The following NREP variants were observed in gnomAD, a reference collection of about 807,000 sequenced individuals.
NREP encodes the protein neuronal regeneration-related protein.
A neutral mutation model predicts 8.6 loss-of-function variants in NREP; 5 were observed. The observed-to-expected ratio is 0.58, with a 90% CI of 0.30 to 1.22. The LOEUF (loss-of-function observed/expected upper bound fraction) is 1.22, where lower values mean the gene tolerates loss of function less well. Ranked by LOEUF, NREP falls within the 50% of genes most tolerant of loss-of-function variation. NREP has a pLI of 0.07. For missense variants in NREP, 86 were observed against 82.5 expected (o/e 1.04, Z -0.17); for synonymous variants, 27 against 28.0 (o/e 0.96, Z 0.11).
chr5:111,860,367 C>G (rs1012901773), intron 2 of NREP, among the ~76,000 whole-genome samples: 2 of 152,092 alleles, frequency 1.3e-5, no homozygotes, highest in East Asian at 3.9e-4. Context: ...TCCATTTATG[C>G]CTTTTTCTTC....
chr5:111,947,075 C>A (rs1234717813), intron 2 of NREP, among the ~76,000 whole-genome samples: 2 of 152,038 alleles, frequency 1.3e-5, no homozygotes, highest in Non-Finnish European at 2.9e-5. Context: ...TTATACTTTT[C>A]ACGTTCTTAA....
intron 2 of NREP, among the ~76,000 whole-genome samples, chr5:111,891,516 C>G (rs1210960674): frequency 3.3e-5 from 5 of 152,194 alleles, no homozygotes; most frequent in Non-Finnish European, 7.3e-5. Flanking sequence ...TAGCGATGCC[C>G]CACTCCTCAA....
chr5:111,879,795 T>G (rs1038948640), intron 2 of NREP, among the ~76,000 whole-genome samples: 5 of 150,946 alleles, frequency 3.3e-5, no homozygotes, highest in African/African-American at 1.2e-4. Flanking sequence ...GCCAACTTCT[T>G]TTTGTAGTCC....
chr5:111,919,919 G>GAAAGAAAGAAAGAAAGAAAC (rs1342506108), intron 2 of NREP, among the ~76,000 whole-genome samples: 76 of 143,278 alleles, frequency 5.3e-4, no homozygotes, highest in East Asian at 4.1e-3. Context: ...AAGAAAGAAA[G>GAAAGAAAGAAAGAAAGAAAC]ATCTGAACTG....
intron 2 of NREP, chr5:111,969,553 G>T (rs1216807818): frequency 6.6e-6 from 1 of 152,202 alleles, no homozygotes; most frequent in Non-Finnish European, 1.5e-5. Flanking sequence ...TTAGCCTGGA[G>T]AAAGAAGGTA....
At chr5:111,806,818 C>T (rs1752154926) in intron 2 of NREP, among the ~76,000 whole-genome samples, 1 of 152,028 alleles carries the variant, frequency 6.6e-6, no homozygotes, top group African/African-American at 2.4e-5. Flanking sequence ...AGGTGACAGG[C>T]CTGATCTAAA....
chr5:111,736,208 G>C (rs1453715129), intron 2 of NREP, among the ~76,000 whole-genome samples: 1 of 152,154 alleles, frequency 6.6e-6, no homozygotes, highest in Non-Finnish European at 1.5e-5. Context: ...GACAGGAGAG[G>C]GGAAAGGCCT....
At chr5:111,750,031 G>C (rs548194143) in intron 2 of NREP, among the ~76,000 whole-genome samples, 1 of 152,270 alleles carries the variant, frequency 6.6e-6, no homozygotes, top group African/African-American at 2.4e-5. Flanking sequence ...ACCTGAGTGA[G>C]AGCCCTGGGC....
chr5:111,775,348 C>G (rs1751331453), intron 2 of NREP, among the ~76,000 whole-genome samples: 1 of 152,148 alleles, frequency 6.6e-6, no homozygotes, highest in African/African-American at 2.4e-5. Context: ...CTGGCAATCT[C>G]CCTGTGACTT....
chr5:111,862,941 C>G (rs1027777177), intron 2 of NREP, among the ~76,000 whole-genome samples: 2 of 150,094 alleles, frequency 1.3e-5, no homozygotes, highest in African/African-American at 4.9e-5. Context: ...GATACTAGAT[C>G]AGCTAGGGCA....
rs117351665 is a variant in NREP, at chr5:111,910,694, C to A, written c.135+64580G>T. Among the ~76,000 whole-genome samples the A allele has an allele frequency of 3.9e-5, 6 of 152,134 alleles. No individual in the cohort carries two copies. The East Asian group carries it at 7.8e-4, about 20-fold the overall frequency. Reference sequence around the variant, plus strand: ...AGGAACTTGGCTTCTGAGACTGGAACAAACTCAAAGCTCCCCCAGGACAGA... The same window carrying A: ...AGGAACTTGGCTTCTGAGACTGGAAAAAACTCAAAGCTCCCCCAGGACAGA... On this transcript the variant is annotated intron_variant, in intron 2 of 3. Coordinates refer to the NREP transcript ENST00000395634.
intron 2 of NREP, among the ~76,000 whole-genome samples, chr5:111,969,280 G>C (rs1397877912): frequency 6.6e-6 from 1 of 152,190 alleles, no homozygotes; most frequent in Non-Finnish European, 1.5e-5. Context: ...GGAGAAACAG[G>C]AAATAAAAAG....
intron 2 of NREP, among the ~76,000 whole-genome samples, chr5:111,882,504 G>C (rs977257283): frequency 6.6e-6 from 1 of 152,108 alleles, no homozygotes; most frequent in Non-Finnish European, 1.5e-5. Flanking sequence ...TCCTCAAGAA[G>C]AGCAACTCGA....
At position 111,755,833 on chromosome 5, in the gene NREP, G is replaced by T; in HGVS notation, c.-58-3C>A. On this transcript the variant is annotated splice_region_variant and splice_polypyrimidine_tract_variant and intron_variant, in intron 1 of 3. Coordinates refer to ENST00000257435, the MANE Select transcript of NREP (RefSeq NM_004772.4). ...CTCTTCAGTCCAGGGAGACCAACCTGCAAAATATGTTTAAATACAGTAGAC... is the reference window on the plus strand; with the variant it reads ...CTCTTCAGTCCAGGGAGACCAACCTTCAAAATATGTTTAAATACAGTAGAC... The T allele has an allele frequency of 6.2e-7, 1 of 1,613,314 alleles. No individual in the cohort carries two copies. The highest frequency in any genetic ancestry group is 2.2e-5 in the East Asian group (1 of 44,864).
chr5:111,832,388 G>C (rs543255206), intron 2 of NREP, among the ~76,000 whole-genome samples: 2 of 152,172 alleles, frequency 1.3e-5, no homozygotes, highest in Admixed American at 1.3e-4. Flanking sequence ...CAAAACATTA[G>C]CTGGGGGTGG....
At chr5:111,912,279 A>C (rs1006007151) in intron 2 of NREP, among the ~76,000 whole-genome samples, 2 of 151,774 alleles carry the variant, frequency 1.3e-5, no homozygotes, top group African/African-American at 4.8e-5. Flanking sequence ...AGTGACTAAA[A>C]CCCACCCTGG....
At chr5:111,843,889 A>G (rs1336739989) in intron 2 of NREP, among the ~76,000 whole-genome samples, 1 of 152,228 alleles carries the variant, frequency 6.6e-6, no homozygotes, top group Non-Finnish European at 1.5e-5. Context: ...AGGATAGTCT[A>G]AGGCCTGGGC....
chr5:111,777,693 GA>G (rs770490497), intron 2 of NREP, among the ~76,000 whole-genome samples: 2 of 152,044 alleles, frequency 1.3e-5, no homozygotes, highest in Non-Finnish European at 2.9e-5. Context: ...GTGATCTAAG[GA>G]AGAAAAAGCA....
At chr5:111,968,230 G>C (rs927459107) in intron 2 of NREP, among the ~76,000 whole-genome samples, 1 of 151,770 alleles carries the variant, frequency 6.6e-6, no homozygotes. Flanking sequence ...TAAAAAAAAG[G>C]TACTTCAGGT....
Sources: gnomAD v4.1 joint callset for allele counts (sites outside exome capture counted in the v4.1 genomes callset) on GRCh38, gnomAD v4.1.1 for gene constraint, MANE v1.5 for transcripts, NCBI Gene and HGNC (gene_info 2026-07-23, HGNC 2026-07-21) for gene names.